The following ABCG1 variants were observed in gnomAD, a reference collection of about 807,000 sequenced individuals.
ABCG1 encodes ATP binding cassette subfamily G member 1.
Under a neutral mutation model 69.2 loss-of-function variants are expected in ABCG1, and 29 were observed. That is an observed-to-expected ratio of 0.42 (90% CI 0.31 to 0.57). ABCG1 has a LOEUF of 0.57. Ranked by LOEUF, ABCG1 falls within the 20% of genes least tolerant of loss-of-function variation. The probability of loss-of-function intolerance (pLI) is 0.15; values close to 1 mark genes in which losing one functional copy is unlikely to be tolerated. For missense variants in ABCG1, 718 were observed against 898.1 expected (o/e 0.80, Z 2.56); for synonymous variants, 370 against 374.8 (o/e 0.99, Z 0.15).
chr21:42,295,701 G>A (rs1211813525), intron 14 of ABCG1, among the ~76,000 whole-genome samples: 1 of 152,222 alleles, frequency 6.6e-6, no homozygotes, highest in Non-Finnish European at 1.5e-5. Context: ...TATGAAATCA[G>A]AAACCGACGT....
intron 3 of ABCG1, 21 bp downstream of exon 3, chr21:42,271,208 C>T (rs139252056): frequency 1.2e-4 from 172 of 1,474,378 alleles, no homozygotes; most frequent in African/African-American, 5.9e-4. Context: ...CTGCCCAGGG[C>T]GCAAAGTTCT....
Position 42,274,436 on chromosome 21 carries a change from G to A in ABCG1, c.537+1001G>A, listed in dbSNP as rs7280035. Among the ~76,000 whole-genome samples, 951 of 151,128 alleles carry A rather than the reference G, an allele frequency of 6.3e-3. 15 individuals carry two copies. The highest frequency in any genetic ancestry group is 0.022 in the African/African-American group (919 of 41,000). On this transcript the variant is annotated intron_variant, in intron 4 of 14. Transcript: ENST00000398449. ...GCTGGTTGTGCTCCTTGGACAGACC[G>A]CGACCCAGCCAAGTGCCATGCATCT... is the stretch of plus-strand genomic sequence containing the variant.
At chr21:42,242,382 T>A (rs944377804) in intron 2 of ABCG1, among the ~76,000 whole-genome samples, 2 of 152,136 alleles carry the variant, frequency 1.3e-5, no homozygotes, top group Non-Finnish European at 2.9e-5. Flanking sequence ...GCACCTGTAG[T>A]CCCAGCTACT....
intron 2 of ABCG1, among the ~76,000 whole-genome samples, chr21:42,267,841 G>T (rs1480403657): frequency 6.6e-6 from 1 of 150,622 alleles, no homozygotes; most frequent in African/African-American, 2.4e-5. Context: ...GTCTGGTCTG[G>T]GTTCTGTCTG....
intron 6 of ABCG1, 138 bp from the exon 7 acceptor site, chr21:42,284,422 G>A (rs980306109): frequency 1.9e-5 from 20 of 1,063,078 alleles, no homozygotes; most frequent in African/African-American, 4.8e-5. Flanking sequence ...AGCAGAGCCC[G>A]GCCTGGGACG....
chr21:42,269,343 G>T (rs1421203487), intron 2 of ABCG1, among the ~76,000 whole-genome samples: 3 of 152,206 alleles, frequency 2.0e-5, no homozygotes, highest in Non-Finnish European at 4.4e-5. Flanking sequence ...GTGGTCCCCA[G>T]CTCCTCTGTC....
In ABCG1 at chr21:42,225,906, G is replaced by A. The variant is rs1343907224; in HGVS notation, c.278G>A (p.Arg93Lys). 1 of 1,612,096 alleles carries A rather than the reference G, an allele frequency of 6.2e-7. No homozygotes were observed. The highest frequency in any genetic ancestry group is 1.7e-5 in the Admixed American group (1 of 59,990). The change falls in exon 2 of 15, where the codon AGG becomes AAG. Residue 93 changes from arginine to lysine, a missense_variant. Coordinates refer to ENST00000398449, the MANE Select transcript of ABCG1 (RefSeq NM_016818.3). ...TCGGTTCCTGAAGGACCCTGGTGGAGGAAGAAAGGTAGGGAGGGCGGCTGC... is the reference window on the plus strand; with the variant it reads ...TCGGTTCCTGAAGGACCCTGGTGGAAGAAGAAAGGTAGGGAGGGCGGCTGC... ...SYSVPEGPWW[R>K]KKGYKTLLKG...
intron 1 of ABCG1, among the ~76,000 whole-genome samples, chr21:42,220,766 T>C (rs1452832284): frequency 6.6e-6 from 1 of 152,254 alleles, no homozygotes; most frequent in Non-Finnish European, 1.5e-5. Context: ...AATTCTGCCT[T>C]TTGCACTTGT....
intron 2 of ABCG1, among the ~76,000 whole-genome samples, chr21:42,252,885 G>A (rs1486254497): frequency 6.6e-6 from 1 of 152,188 alleles, no homozygotes; most frequent in East Asian, 1.9e-4. Flanking sequence ...CCGCCCAGGT[G>A]GTGTTGGGGC....
intron 2 of ABCG1, among the ~76,000 whole-genome samples, chr21:42,268,610 G>A (rs1354612903): frequency 1.3e-5 from 2 of 152,084 alleles, no homozygotes; most frequent in Non-Finnish European, 2.9e-5. Context: ...TTAAAAAAAA[G>A]AAAGAAAGAA....
At chr21:42,208,640 TTTTC>T (rs2067562188) in intron 2 of ABCG1, among the ~76,000 whole-genome samples, 1 of 152,112 alleles carries the variant, frequency 6.6e-6, no homozygotes, top group Non-Finnish European at 1.5e-5. Flanking sequence ...CCTGGATCCT[TTTTC>T]GGGGCTTTAT....
intron 2 of ABCG1, among the ~76,000 whole-genome samples, chr21:42,251,221 G>A (rs1318061053): frequency 1.3e-5 from 2 of 152,168 alleles, no homozygotes; most frequent in Non-Finnish European, 2.9e-5. Context: ...TTGAACAAGT[G>A]CTTGGAGGAA....
chr21:42,238,485 T>C, intron 2 of ABCG1, among the ~76,000 whole-genome samples: 1 of 152,192 alleles, frequency 6.6e-6, no homozygotes, highest in African/African-American at 2.4e-5. Flanking sequence ...TCCCTCTATC[T>C]TGAGACTTGT....
chr21:42,279,352 G>GAGGCC (rs1227119733), intron 5 of ABCG1, among the ~76,000 whole-genome samples: 2 of 152,210 alleles, frequency 1.3e-5, no homozygotes, highest in Non-Finnish European at 2.9e-5. Flanking sequence ...GGGATCACCG[G>GAGGCC]AGGCCGGGGG....
intron 2 of ABCG1, among the ~76,000 whole-genome samples, chr21:42,262,690 C>T (rs1204101540): frequency 6.6e-6 from 1 of 152,214 alleles, no homozygotes; most frequent in Non-Finnish European, 1.5e-5. Context: ...ACTCTTGGCC[C>T]CGGGTGCAAG....
chr21:42,263,969 G>A (rs977286704), intron 2 of ABCG1, among the ~76,000 whole-genome samples: 28 of 152,216 alleles, frequency 1.8e-4, no homozygotes, highest in Admixed American at 1.8e-3. Flanking sequence ...TAACCATTGT[G>A]CAGGCTCCAT....
intron 2 of ABCG1, among the ~76,000 whole-genome samples, chr21:42,243,467 TGTGTGTGTGTGTGTGTGTGTGTGC>T (rs2073206517): frequency 6.7e-6 from 1 of 150,374 alleles, no homozygotes; most frequent in African/African-American, 2.5e-5. Context: ...TGTGTGTGTG[TGTGTGTGTGTGTGTGTGTGTGTGC>T]GCTGGTTTAT....
At chr21:42,225,049 T>C (rs142498982) in intron 1 of ABCG1, among the ~76,000 whole-genome samples, 1 of 152,324 alleles carries the variant, frequency 6.6e-6, no homozygotes, top group Non-Finnish European at 1.5e-5. Flanking sequence ...AGTTTCCTTG[T>C]TTGTCTAACA....
At chr21:42,205,471 C>A (rs2067535879) in intron 2 of ABCG1, among the ~76,000 whole-genome samples, 1 of 151,982 alleles carries the variant, frequency 6.6e-6, no homozygotes, top group East Asian at 1.9e-4. Flanking sequence ...TGGTGGTGGG[C>A]ACCTGTAATC....
Sources: gnomAD v4.1 joint callset for allele counts (sites outside exome capture counted in the v4.1 genomes callset) on GRCh38, gnomAD v4.1.1 for gene constraint, MANE v1.5 for transcripts, NCBI Gene and HGNC (gene_info 2026-07-23, HGNC 2026-07-21) for gene names.